SOX6: variants seen among roughly 807,000 people sequenced by gnomAD.
SOX6 encodes the protein transcription factor SOX-6.
In SOX6, 11 loss-of-function variants were observed where a neutral mutation model predicts 97.8. That is an observed-to-expected ratio of 0.11 (90% CI 0.07 to 0.19). The LOEUF (loss-of-function observed/expected upper bound fraction) is 0.19. Ranked by LOEUF, SOX6 falls within the 10% of genes least tolerant of loss-of-function variation. The probability of loss-of-function intolerance (pLI) is 1.00; values close to 1 mark genes in which losing one functional copy is unlikely to be tolerated. For synonymous variants in SOX6, 360 were observed against 371.4 expected (o/e 0.97, Z 0.35); for missense variants, 810 against 1,039.5 (o/e 0.78, Z 3.04).
intron 3 of SOX6, among the ~76,000 whole-genome samples, chr11:16,643,185 A>G (rs1254321423): frequency 6.6e-6 from 1 of 152,180 alleles, no homozygotes; most frequent in Admixed American, 6.6e-5. Flanking sequence ...TCCACTCCAG[A>G]CCCTGTTGGC....
chr11:16,599,704 A>G (rs759806875), intron 4 of SOX6, among the ~76,000 whole-genome samples: 12 of 152,188 alleles, frequency 7.9e-5, no homozygotes, highest in Non-Finnish European at 1.5e-4. Flanking sequence ...TACTAAATAT[A>G]TTAGCATTAT....
intron 3 of SOX6, chr11:16,317,869 T>C (rs1855795940): frequency 5.5e-6 from 2 of 365,482 alleles, no homozygotes; most frequent in Admixed American, 3.3e-5. Context: ...TTCTAGGATG[T>C]ACACGAACCT....
At chr11:16,445,111 C>T (rs1370654366) in intron 1 of SOX6, among the ~76,000 whole-genome samples, 1 of 152,106 alleles carries the variant, frequency 6.6e-6, no homozygotes, top group Non-Finnish European at 1.5e-5. Context: ...GATTCTAAGA[C>T]CCAGAAGAAT....
At chr11:16,171,240 GGGAGAAAAAGCAGA>G (rs1410044195) in intron 6 of SOX6, among the ~76,000 whole-genome samples, 1 of 151,874 alleles carries the variant, frequency 6.6e-6, no homozygotes, top group Non-Finnish European at 1.5e-5. Context: ...ACTCAGCAGG[GGGAGAAAAAGCAGA>G]TCTGGATTTG....
chr11:16,299,403 A>T (rs1424944296), intron 3 of SOX6, among the ~76,000 whole-genome samples: 1 of 151,812 alleles, frequency 6.6e-6, no homozygotes, highest in Non-Finnish European at 1.5e-5. Context: ...GGCTAATTTG[A>T]CTCCTTATAT....
chr11:16,033,914 A>T (rs960912892), intron 12 of SOX6, among the ~76,000 whole-genome samples: 8 of 151,976 alleles, frequency 5.3e-5, no homozygotes, highest in Admixed American at 2.0e-4. Flanking sequence ...AAAGAAAGAA[A>T]AAGAAAAGAA....
At chr11:16,664,339 C>T (rs1255049347) in intron 3 of SOX6, among the ~76,000 whole-genome samples, 1 of 152,166 alleles carries the variant, frequency 6.6e-6, no homozygotes, top group East Asian at 1.9e-4. Context: ...TACCCCATCC[C>T]CTGGCACAGG....
At chr11:15,999,300 A>G (rs916996713) in intron 13 of SOX6, among the ~76,000 whole-genome samples, 2 of 152,176 alleles carry the variant, frequency 1.3e-5, no homozygotes, top group South Asian at 4.1e-4. Context: ...AGTATAAAAC[A>G]GCATAACCAT....
chr11:16,060,721 C>CT (rs1359538402), intron 9 of SOX6, among the ~76,000 whole-genome samples: 1 of 151,822 alleles, frequency 6.6e-6, no homozygotes, highest in Non-Finnish European at 1.5e-5. Context: ...GTGTAAGACT[C>CT]TGTGTTAGGA....
chr11:16,322,808 T>C (rs1677729807), intron 2 of SOX6, among the ~76,000 whole-genome samples: 3 of 152,178 alleles, frequency 2.0e-5, no homozygotes, highest in African/African-American at 4.8e-5. Flanking sequence ...TAAAGAACAA[T>C]GATATAAATG....
chr11:16,367,608 T>C (rs1857391201), intron 1 of SOX6, among the ~76,000 whole-genome samples: 1 of 152,158 alleles, frequency 6.6e-6, no homozygotes, highest in Non-Finnish European at 1.5e-5. Context: ...CAGATAACTT[T>C]CCCAGGAATT....
intron 3 of SOX6, among the ~76,000 whole-genome samples, chr11:16,302,360 C>A (rs896217812): frequency 6.6e-6 from 1 of 152,102 alleles, no homozygotes; most frequent in Non-Finnish European, 1.5e-5. Context: ...CACCAAACTT[C>A]TTCACATTCA....
At chr11:16,297,237 G>T (rs1248877119) in intron 3 of SOX6, among the ~76,000 whole-genome samples, 5 of 152,074 alleles carry the variant, frequency 3.3e-5, no homozygotes, top group Middle Eastern at 3.4e-3. Flanking sequence ...TTACAGTTTT[G>T]TCTTCCTTAC....
At chr11:16,330,215 G>A (rs1856243659) in intron 2 of SOX6, among the ~76,000 whole-genome samples, 1 of 152,126 alleles carries the variant, frequency 6.6e-6, no homozygotes, top group Non-Finnish European at 1.5e-5. Flanking sequence ...CTTTAAGGCA[G>A]GCCTGATAGT....
intron 3 of SOX6, among the ~76,000 whole-genome samples, chr11:16,619,291 A>G (rs1848511004): frequency 6.6e-6 from 1 of 151,022 alleles, no homozygotes; most frequent in South Asian, 2.1e-4. Flanking sequence ...CCTTGATATT[A>G]TTATTTATTG....
chr11:16,483,610 C>A (rs1410369084), intron 4 of SOX6, among the ~76,000 whole-genome samples: 1 of 152,142 alleles, frequency 6.6e-6, no homozygotes, highest in Non-Finnish European at 1.5e-5. Context: ...CACACCCTCG[C>A]TGGCCACTCT....
At chr11:16,484,021 T>C (rs1022920810) in intron 4 of SOX6, 27 of 814,648 alleles carry the variant, frequency 3.3e-5, no homozygotes, top group Admixed American at 2.2e-4. Flanking sequence ...TCCTCGGGCT[T>C]GGCCCAGGGC....
intron 3 of SOX6, among the ~76,000 whole-genome samples, chr11:16,670,942 GAA>G (rs781320425): frequency 6.6e-6 from 1 of 151,898 alleles, no homozygotes; most frequent in Non-Finnish European, 1.5e-5. Flanking sequence ...GGAAATATAG[GAA>G]AGTCACATGA....
chr11:16,226,847 G>C (rs908156528), intron 4 of SOX6, among the ~76,000 whole-genome samples: 2 of 152,096 alleles, frequency 1.3e-5, no homozygotes, highest in Non-Finnish European at 1.5e-5. Context: ...CATAGAAAAG[G>C]GTAAAAGTGG....
Sources: gnomAD v4.1 joint callset for allele counts (sites outside exome capture counted in the v4.1 genomes callset) on GRCh38, gnomAD v4.1.1 for gene constraint, MANE v1.5 for transcripts, NCBI Gene and HGNC (gene_info 2026-07-23, HGNC 2026-07-21) for gene names.